LIN7A: variants seen among roughly 807,000 people sequenced by gnomAD.
LIN7A encodes the protein lin-7 cell polarity scaffold A, also known as protein lin-7 homolog A.
A neutral mutation model predicts 29.8 loss-of-function variants in LIN7A; 25 were observed. That is an observed-to-expected ratio of 0.84 (90% confidence interval 0.61 to 1.17). The LOEUF is 1.17. LIN7A is among the 50% of genes most tolerant of loss of function. LIN7A has a pLI of 0.00. For missense variants in LIN7A, 239 were observed against 287.0 expected, an observed-to-expected ratio of 0.83 and a Z score of 1.21; for synonymous variants, 118 against 107.5, an observed-to-expected ratio of 1.10 and a Z score of -0.60.
At chr12:80,934,535 T>G (rs1291941175) in intron 1 of LIN7A, among the ~76,000 whole-genome samples, 1 of 152,224 alleles carries the variant, frequency 6.6e-6, no homozygotes, top group African/African-American at 2.4e-5. Flanking sequence ...ACTTCTGAGT[T>G]TCTTACTTTC....
Position 80,908,580 on chromosome 12 carries a change from G to A in LIN7A, c.83-19211C>T, listed in dbSNP as rs533911044. 1.2e-3 allele frequency among the ~76,000 whole-genome samples: 189 copies of A among 152,166 alleles called. 1 individual carries two copies. The highest frequency in any genetic ancestry group is 6.8e-3 in the Middle Eastern group (2 of 292). On this transcript the variant is annotated intron_variant, in intron 1 of 5. Coordinates refer to ENST00000552864, the MANE Select transcript of LIN7A (RefSeq NM_004664.4). Reference sequence around the variant, plus strand: ...CTAATAAGAGAGCTTACTGATGCAAGAAGAGCCATTTCTATACTTTTCTGC... The same window carrying A: ...CTAATAAGAGAGCTTACTGATGCAAAAAGAGCCATTTCTATACTTTTCTGC...
intron 1 of LIN7A, among the ~76,000 whole-genome samples, chr12:80,932,373 A>T (rs1877961926): frequency 6.6e-6 from 1 of 152,242 alleles, no homozygotes; most frequent in Non-Finnish European, 1.5e-5. Context: ...AAAGCACACT[A>T]GGATTTGTTT....
chr12:80,927,155 C>CG (rs1877634460), intron 1 of LIN7A, among the ~76,000 whole-genome samples: 1 of 75,532 alleles, frequency 1.3e-5, no homozygotes, highest in East Asian at 4.7e-4. Flanking sequence ...TTTTCTTTTT[C>CG]TTTTTTTTTT....
intron 1 of LIN7A, among the ~76,000 whole-genome samples, chr12:80,899,474 GT>G (rs1876082515): frequency 1.3e-5 from 2 of 152,102 alleles, no homozygotes; most frequent in South Asian, 4.1e-4. Context: ...CCAGGTTTTG[GT>G]ATCAGAATGA....
intron 4 of LIN7A, among the ~76,000 whole-genome samples, chr12:80,812,637 C>T (rs11831494): frequency 0.061 from 9,254 of 152,104 alleles, 974 homozygotes; most frequent in African/African-American, 0.21. Context: ...CCACCACCTC[C>T]GCCTCCTGGG....
chr12:80,794,657 G>T lies in LIN7A; in HGVS notation c.*3070C>A, dbSNP rs573645768. 6.6e-6 allele frequency: 1 copy of T among 152,142 alleles called. No individual in the cohort carries two copies. Among genetic ancestry groups the T allele is most frequent in the South Asian group, 2.1e-4 (1 of 4,820 alleles). 9.4% of individuals were successfully genotyped at this position (152,142 alleles called of 1,614,324 possible). On this transcript the variant is annotated 3_prime_UTR_variant, in exon 6 of 6. Coordinates refer to ENST00000552864, the MANE Select transcript of LIN7A (RefSeq NM_004664.4). ...GGAGACAGTCTAAAATCCTTAAAAA[G>T]CCTCTGCATGCTAGATTTTGCATTT...
intron 2 of LIN7A, among the ~76,000 whole-genome samples, chr12:80,875,695 T>G (rs1874649395): frequency 6.6e-6 from 1 of 152,230 alleles, no homozygotes; most frequent in Admixed American, 6.5e-5. Context: ...TGAGTCATCT[T>G]AAGGAATTCT....
At chr12:80,889,130 A>G (rs1052615446) in intron 2 of LIN7A, 121 bp downstream of exon 2, 1 of 699,300 alleles carries the variant, frequency 1.4e-6, no homozygotes, top group African/African-American at 1.8e-5. Context: ...CAAGTAGCTA[A>G]AAACAGAAAA....
At chr12:80,887,801 T>C (rs1165671483) in intron 2 of LIN7A, among the ~76,000 whole-genome samples, 2 of 151,998 alleles carry the variant, frequency 1.3e-5, no homozygotes, top group Admixed American at 6.6e-5. Context: ...TGAGCAGAGG[T>C]ATATATTTGA....
At chr12:80,881,080 C>T (rs1249381412) in intron 2 of LIN7A, among the ~76,000 whole-genome samples, 1 of 152,032 alleles carries the variant, frequency 6.6e-6, no homozygotes, top group Non-Finnish European at 1.5e-5. Flanking sequence ...TGATTGGAAA[C>T]ATGTCAAAAG....
At chr12:80,932,132 G>A (rs1017606034) in intron 1 of LIN7A, among the ~76,000 whole-genome samples, 8 of 152,114 alleles carry the variant, frequency 5.3e-5, no homozygotes, top group Admixed American at 3.3e-4. Flanking sequence ...GGCTTGAATC[G>A]GAAGACGCAT....
rs1870259938 is a variant in LIN7A at position 80,792,708 on chromosome 12, A to G, written c.*5019T>C. 3 of 152,200 alleles carry G rather than the reference A, an allele frequency of 2.0e-5. No homozygotes were observed. Among genetic ancestry groups the G allele is most frequent in the Admixed American group, 6.5e-5 (1 of 15,276 alleles). 9.4% of individuals were successfully genotyped at this position (152,200 alleles called of 1,614,324 possible). On this transcript the variant is annotated 3_prime_UTR_variant, in exon 6 of 6. Coordinates refer to ENST00000552864, the MANE Select transcript of LIN7A (RefSeq NM_004664.4). ...CGTAAATGTAAAATATCCTTAGTTC[A>G]TCTCCAAACTGTGTATTTATTATAA...
chr12:80,882,476 G>C (rs910519659), intron 2 of LIN7A, among the ~76,000 whole-genome samples: 2 of 149,428 alleles, frequency 1.3e-5, no homozygotes, highest in African/African-American at 4.9e-5. Context: ...AGTAGAGACG[G>C]GGTTTCACCG....
At chr12:80,810,328 C>A (rs979187472) in intron 5 of LIN7A, among the ~76,000 whole-genome samples, 1 of 151,876 alleles carries the variant, frequency 6.6e-6, no homozygotes, top group African/African-American at 2.4e-5. Context: ...GTTCTCTAGG[C>A]CCATCCACGC....
chr12:80,845,861 G>C lies in LIN7A; in HGVS notation c.352C>G (p.Leu118Val), dbSNP rs755367037. The change falls in exon 4 of 6, where the codon CTT (leucine) becomes GTT (valine). Residue 118 changes from leucine to valine, a missense_variant. Coordinates refer to ENST00000552864, the MANE Select transcript of LIN7A (RefSeq NM_004664.4). Reference sequence around the variant, plus strand: ...TTTCCTCCCATCACATTAAAACCAAGGCCTTCATCAGTCTTTGGCAGTTCA... The same window carrying C: ...TTTCCTCCCATCACATTAAAACCAACGCCTTCATCAGTCTTTGGCAGTTCA... The part of the protein sequence containing the change: ...VVELPKTDEG[L>V]GFNVMGGKEQ... 6.2e-7 allele frequency: 1 copy of C among 1,613,210 alleles called. No individual in the cohort carries two copies. The highest frequency in any genetic ancestry group is 8.5e-7 in the Non-Finnish European group (1 of 1,179,796).
chr12:80,810,764 CT>C, intron 5 of LIN7A, among the ~76,000 whole-genome samples: 1 of 152,146 alleles, frequency 6.6e-6, no homozygotes, highest in East Asian at 1.9e-4. Flanking sequence ...TATCTTTCCT[CT>C]TTTTGATAAT....
Position 80,878,052 on chromosome 12 carries a change from C to A in LIN7A, c.201+11199G>T, listed in dbSNP as rs367867705. On this transcript the variant is annotated intron_variant, in intron 2 of 5. Coordinates refer to ENST00000552864, the MANE Select transcript of LIN7A (RefSeq NM_004664.4). ...ATGTAATTATAAGCTTCTGGAAATA[C>A]GCACTGTTTATTTTATCATTTGTAA... 2.6e-5 allele frequency among the ~76,000 whole-genome samples: 4 copies of A among 152,270 alleles called. No homozygotes were observed. In the South Asian group the frequency reaches 8.3e-4, roughly 32 times the overall value.
At position 80,937,909 on chromosome 12, in the gene LIN7A, A is replaced by G. The variant is rs911130942; in HGVS notation, c.-187T>C. ...CGGCAGATCTTCAGTTGCGGTGCGG[A>G]GCTGAGCAGGTATCCGAGAGCGACT... is the stretch of plus-strand genomic sequence containing the variant. On this transcript the variant is annotated 5_prime_UTR_variant, in exon 1 of 6. Transcript: ENST00000552864. 26 of 448,490 alleles carry G rather than the reference A, an allele frequency of 5.8e-5. No homozygotes were observed. Among genetic ancestry groups the G allele is most frequent in the East Asian group, 1.1e-4 (3 of 28,474 alleles). 27.8% of individuals were successfully genotyped at this position (448,490 alleles called of 1,614,324 possible).
At chr12:80,937,588 A>C in intron 1 of LIN7A, 53 bp downstream of exon 1, 5 of 1,246,938 alleles carry the variant, frequency 4.0e-6, no homozygotes, top group Non-Finnish European at 5.4e-6. Flanking sequence ...CAGGCGGGGA[A>C]GGGAGGAGGG....
Sources: gnomAD v4.1 joint callset for allele counts (sites outside exome capture counted in the v4.1 genomes callset) on GRCh38, gnomAD v4.1.1 for gene constraint, MANE v1.5 for transcripts, NCBI Gene and HGNC (gene_info 2026-07-23, HGNC 2026-07-21) for gene names.